Variants in ZNF318 observed in about 807,000 individuals in gnomAD.
ZNF318 encodes zinc finger protein 318, also known as endocrine regulator.
Under a neutral mutation model 124.2 loss-of-function variants are expected in ZNF318, and 51 were observed. The ratio of observed to expected loss-of-function variants is 0.41; its 90% CI spans 0.33 to 0.52. The LOEUF (loss-of-function observed/expected upper bound fraction) is 0.52, where lower values mean the gene tolerates loss of function less well. Ranked by LOEUF, ZNF318 falls within the 20% of genes least tolerant of loss-of-function variation. The pLI, the probability that ZNF318 is intolerant of heterozygous loss-of-function variation, is 0.23. For missense variants in ZNF318, 2,815 were observed against 2,811.2 expected, an observed-to-expected ratio of 1.00 and a Z score of -0.03; for synonymous variants, 1,090 against 1,040.7, an observed-to-expected ratio of 1.05 and a Z score of -0.91.
rs752132446 is a variant in ZNF318 at position 43,338,384 on chromosome 6, A to T, written c.5614T>A (p.Ser1872Thr). Reference sequence around the variant, plus strand: ...GGGTTGAGTAAAGACCTAGCTTCTGATAAAAATGAGTCTAATTTTGCCTTT... The same window carrying T: ...GGGTTGAGTAAAGACCTAGCTTCTGTTAAAAATGAGTCTAATTTTGCCTTT... ...FTKAKLDSFL[S>T]EARSLLNPQD... The change falls in exon 10 of 10, where the codon TCA becomes ACA. Residue 1872 changes from serine (S) to threonine (T), a missense_variant. Physicochemically the swap from Ser to Thr is moderately conservative, Grantham distance 58. Around this residue, in one of 4 missense-constraint regions of ZNF318, gnomAD observed 927 missense variants for 820.6 expected, o/e 1.13. Transcript: ENST00000361428. 5.0e-6 allele frequency: 8 copies of T among 1,614,220 alleles called. No individual in the cohort carries two copies. In the Admixed American group the frequency reaches 1.2e-4, roughly 24 times the overall value.
In ZNF318 at chr6:43,337,840, C is replaced by G. The variant is rs778887279; in HGVS notation, c.6158G>C (p.Gly2053Ala). 6 of 1,614,110 alleles carry G rather than the reference C, an allele frequency of 3.7e-6. No homozygotes were observed. The highest frequency in any genetic ancestry group is 5.1e-6 in the Non-Finnish European group (6 of 1,180,024). ...VCEENSVSPI[G>A]CNSSDPADFE... ...GTCAGCGGGATCGGAGGAATTACAC[C>G]CTATAGGTGATACAGAATTTTCTTC... Residue 2053 changes from glycine to alanine, a missense_variant, in exon 10 of 10, where the codon GGG (glycine) becomes GCG (alanine). Physicochemically the swap from Gly to Ala is moderately conservative, Grantham distance 60. This residue lies in a region of ZNF318 where 927 missense variants were observed against 820.6 expected (regional missense o/e 1.13). Coordinates refer to ENST00000361428, the MANE Select transcript of ZNF318 (RefSeq NM_014345.3).
chr6:43,340,747 TTC>T lies in ZNF318; in HGVS notation c.3495+41_3495+42del, dbSNP rs756280831. The T allele has an allele frequency of 3.1e-5, 49 of 1,569,434 alleles. No homozygotes were observed. In the African/African-American group the frequency reaches 6.2e-4, roughly 20 times the overall value. On this transcript the variant is annotated intron_variant, in intron 9 of 9. Transcript: ENST00000361428. Reference sequence around the variant, plus strand: ...CATTTGACAAAGTCAAAATAATTACTTCAGAAAAGTTGGAAACTCCACAGCCT... The same window carrying T: ...CATTTGACAAAGTCAAAATAATTACTAGAAAAGTTGGAAACTCCACAGCCT...
Position 43,355,606 on chromosome 6 carries a change from A to C in ZNF318, c.1728T>G (p.Ala576=). ...TCTCTTCTAGTGATTCTAGCTTTAC[A>C]GCTGGAGCTGAAGACGGCAGGGAGC... ...KASSLPSSAP[A]VKLESLEETN... is the part of the protein sequence containing the mutation. The change falls in exon 4 of 10, where the codon GCT becomes GCG. Residue 576 remains alanine (A), a synonymous_variant. Coordinates refer to ENST00000361428, the MANE Select transcript of ZNF318 (RefSeq NM_014345.3). 1 of 1,614,186 alleles carries C rather than the reference A, an allele frequency of 6.2e-7. No individual in the cohort carries two copies. Among genetic ancestry groups the C allele is most frequent in the Non-Finnish European group, 8.5e-7 (1 of 1,180,044 alleles).
At position 43,357,351 on chromosome 6, in the gene ZNF318, G is replaced by A; in HGVS notation, c.963C>T (p.Ala321=). The stretch of plus-strand genomic sequence containing the variant: ...CCTCCTCTTCCTCTCGCTTTCGTCT[G>A]GCAAGATCCAGTTCTCGAAACTCAG... ...LDPEFRELDL[A]RRKREEEEER... The change falls in exon 3 of 10, where the codon GCC becomes GCT. Residue 321 remains alanine, a synonymous_variant. Coordinates refer to ENST00000361428, the MANE Select transcript of ZNF318 (RefSeq NM_014345.3). 1 of 1,614,112 alleles carries A rather than the reference G, an allele frequency of 6.2e-7. No homozygotes were observed. The highest frequency in any genetic ancestry group is 8.5e-7 in the Non-Finnish European group (1 of 1,180,022).
chr6:43,356,004 T>C lies in ZNF318; in HGVS notation c.1330A>G (p.Lys444Glu). The C allele has an allele frequency of 6.2e-7, 1 of 1,614,196 alleles. No individual in the cohort carries two copies. Among genetic ancestry groups the C allele is most frequent in the Non-Finnish European group, 8.5e-7 (1 of 1,180,028 alleles). The change falls in exon 4 of 10, where the codon AAG becomes GAG. Residue 444 changes from lysine (K) to glutamate (E), a missense_variant. Lys to Glu is a moderately conservative substitution (Grantham distance 56). Transcript: ENST00000361428. Reference protein sequence around the residue: ...NKGTMVETALKEPQGNLYQWG... With the variant: ...NKGTMVETALEEPQGNLYQWG... ...TGGTAGAGGTTGCCCTGAGGTTCCT[T>C]CAAGGCAGTCTCTACCATAGTCCCC...
chr6:43,338,393 A>T lies in ZNF318; in HGVS notation c.5605T>A (p.Ser1869Thr), dbSNP rs781652095. 6 of 1,614,216 alleles carry T rather than the reference A, an allele frequency of 3.7e-6. No homozygotes were observed. In the East Asian group the frequency reaches 1.3e-4, roughly 36 times the overall value. Residue 1869 changes from serine (S) to threonine (T), a missense_variant, in exon 10 of 10, where the codon TCA (serine) becomes ACA (threonine). By Grantham distance (58) the Ser-to-Thr change is moderately conservative. Transcript: ENST00000361428. ...AAAGACCTAGCTTCTGATAAAAATG[A>T]GTCTAATTTTGCCTTTGTGAAAGAG... ...ACSFTKAKLD[S>T]FLSEARSLLN...
At chr6:43,342,980 T>C (rs774851692) in intron 6 of ZNF318, 101 bp from the exon 7 acceptor site, 3 of 892,274 alleles carry the variant, frequency 3.4e-6, no homozygotes, top group Non-Finnish European at 5.1e-6. Flanking sequence ...TAGGGCCATA[T>C]GACCATATTT....
Position 43,337,063 on chromosome 6 carries a change from G to C in ZNF318, c.*95C>G. On this transcript the variant is annotated 3_prime_UTR_variant, in exon 10 of 10. Transcript: ENST00000361428. ...ATGCTGACTGCATCTCTTGGTGTAG[G>C]TTCCAGATGAGATAACAAACTAGTC... 2 of 1,208,800 alleles carry C rather than the reference G, an allele frequency of 1.7e-6. No individual in the cohort carries two copies. 74.9% of individuals were successfully genotyped at this position (1,208,800 alleles called of 1,614,324 possible). A position where few individuals can be genotyped will look rare whatever the true frequency, so the allele number is the denominator to read the frequency against.
At chr6:43,362,364 A>C (rs1390278724) in intron 2 of ZNF318, among the ~76,000 whole-genome samples, 1 of 151,812 alleles carries the variant, frequency 6.6e-6, no homozygotes, top group Non-Finnish European at 1.5e-5. Context: ...GAGGCAGGAG[A>C]ATTGCTAGAA....
intron 2 of ZNF318, among the ~76,000 whole-genome samples, chr6:43,360,672 G>C (rs1053500904): frequency 6.6e-6 from 1 of 152,100 alleles, no homozygotes; most frequent in Non-Finnish European, 1.5e-5. Context: ...TTGCCAAAAA[G>C]TGAAAAGAAT....
Position 43,365,302 on chromosome 6 carries a change from C to A in ZNF318, c.538G>T (p.Asp180Tyr). 1.2e-6 allele frequency: 2 copies of A among 1,614,080 alleles called. No individual in the cohort carries two copies. Among genetic ancestry groups the A allele is most frequent in the South Asian group, 1.1e-5 (1 of 91,072 alleles). Residue 180 changes from aspartate (D) to tyrosine (Y), a missense_variant, in exon 2 of 10, where the codon GAC (aspartate) becomes TAC (tyrosine). Transcript: ENST00000361428. ...TTAGGTGATGCCTACCTGTCCATGT[C>A]TTCCAGATTATCCACTGGTGACCCC... is the stretch of plus-strand genomic sequence containing the variant. The part of the protein sequence containing the change: ...RLGSPVDNLE[D>Y]MDRDDLTDDS...
Position 43,340,081 on chromosome 6 carries a change from T to C in ZNF318, c.3917A>G (p.Asp1306Gly). The C allele has an allele frequency of 6.2e-7, 1 of 1,614,226 alleles. No homozygotes were observed. Among genetic ancestry groups the C allele is most frequent in the Non-Finnish European group, 8.5e-7 (1 of 1,180,046 alleles). The part of the protein sequence containing the change: ...SKEEILESSK[D>G]KEDGKTEAGK... ...AGCTTCAGTTTTGCCATCCTCTTTGTCCTTACTACTTTCTAGAATCTCTTC... is the reference window on the plus strand; with the variant it reads ...AGCTTCAGTTTTGCCATCCTCTTTGCCCTTACTACTTTCTAGAATCTCTTC... Residue 1306 changes from aspartate (D) to glycine (G), a missense_variant, in exon 10 of 10, where the codon GAC becomes GGC. By Grantham distance (94) the Asp-to-Gly change is moderately conservative. This residue lies in a region of ZNF318 where 500 missense variants were observed against 605.2 expected (regional missense o/e 0.83). Coordinates refer to ENST00000361428, the MANE Select transcript of ZNF318 (RefSeq NM_014345.3).
chr6:43,366,915 G>A (rs988199792), intron 1 of ZNF318, among the ~76,000 whole-genome samples: 1 of 151,742 alleles, frequency 6.6e-6, no homozygotes, highest in Non-Finnish European at 1.5e-5. Flanking sequence ...GCAGTGGCAC[G>A]ATCTCGGCTC....
At chr6:43,340,632 C>G (rs1333814704) in intron 9 of ZNF318, 130 bp from the exon 10 acceptor site, 12 of 1,506,194 alleles carry the variant, frequency 8.0e-6, no homozygotes, top group South Asian at 1.4e-5. Context: ...ATACGGGATG[C>G]TATCTGCTGA....
intron 2 of ZNF318, chr6:43,364,007 C>T (rs373727699): frequency 1.2e-5 from 9 of 725,986 alleles, no homozygotes; most frequent in Middle Eastern, 3.6e-4. Context: ...CTCATCCCTG[C>T]GCCCAAGGGC....
At chr6:43,344,012 G>A (rs1385361731) in intron 6 of ZNF318, among the ~76,000 whole-genome samples, 1 of 152,002 alleles carries the variant, frequency 6.6e-6, no homozygotes, top group African/African-American at 2.4e-5. Flanking sequence ...GTAAGGCACA[G>A]GAAAAAAAGA....
Position 43,369,301 on chromosome 6 carries a change from C to A in ZNF318, c.65G>T (p.Gly22Val). The stretch of plus-strand genomic sequence containing the variant: ...GCCAGAGCTGCGGCCGCTGCGCGGG[C>A]CGCCCCCGCCGTCGTCTTTAGGCCG... Reference protein sequence around the residue: ...SHRPKDDGGGGPRSGRSSGSS... With the variant: ...SHRPKDDGGGVPRSGRSSGSS... Residue 22 changes from glycine (G) to valine (V), a missense_variant, in exon 1 of 10, where the codon GGC (glycine) becomes GTC (valine). Physicochemically the swap from Gly to Val is moderately radical, Grantham distance 109. Around this residue, in one of 4 missense-constraint regions of ZNF318, gnomAD observed 1,377 missense variants for 1,353.5 expected, o/e 1.02. Coordinates refer to ENST00000361428, the MANE Select transcript of ZNF318 (RefSeq NM_014345.3). 2.2e-6 allele frequency: 3 copies of A among 1,341,462 alleles called. No individual in the cohort carries two copies. Among genetic ancestry groups the A allele is most frequent in the East Asian group, 3.4e-5 (1 of 29,480 alleles). The allele number at this position is 1,341,462 out of a possible 1,614,324, so 83.1% of individuals were successfully genotyped here.
At chr6:43,350,722 A>C (rs1779513121) in intron 5 of ZNF318, among the ~76,000 whole-genome samples, 1 of 151,886 alleles carries the variant, frequency 6.6e-6, no homozygotes, top group African/African-American at 2.4e-5. Flanking sequence ...ACTCAGGAGG[A>C]TCACCTGAGC....
At chr6:43,366,581 G>A (rs558309740) in intron 1 of ZNF318, among the ~76,000 whole-genome samples, 1 of 152,236 alleles carries the variant, frequency 6.6e-6, no homozygotes, top group East Asian at 1.9e-4. Flanking sequence ...AGAATCACTT[G>A]AGGCCAGGAG....
Sources: gnomAD v4.1 joint callset for allele counts (sites outside exome capture counted in the v4.1 genomes callset) on GRCh38, gnomAD v4.1.1 for gene constraint, gnomAD v4.1.1 regional missense constraint, MANE v1.5 for transcripts, NCBI Gene and HGNC (gene_info 2026-07-23, HGNC 2026-07-21) for gene names.